Variants in SPOCK3 observed in about 807,000 individuals in gnomAD.
SPOCK3 encodes the protein SPARC (osteonectin), cwcv and kazal like domains proteoglycan 3.
SPOCK3 carries 30 observed loss-of-function variants against 56.6 expected under a neutral mutation model. The ratio of observed to expected loss-of-function variants is 0.53; its 90% CI spans 0.40 to 0.72. The LOEUF (loss-of-function observed/expected upper bound fraction) is 0.72. Among genes scored for constraint, SPOCK3 ranks in the 30% least tolerant of loss-of-function variants. SPOCK3 has a pLI of 0.00. For missense variants in SPOCK3, 527 were observed against 530.0 expected, an observed-to-expected ratio of 0.99 and a Z score of 0.06; for synonymous variants, 196 against 183.3, an observed-to-expected ratio of 1.07 and a Z score of -0.56.
chr4:167,079,822 G>T (rs1757552271), intron 2 of SPOCK3, among the ~76,000 whole-genome samples: 1 of 151,998 alleles, frequency 6.6e-6, no homozygotes, highest in Non-Finnish European at 1.5e-5. Context: ...TCATACATTA[G>T]CATAGTTGTT....
intron 3 of SPOCK3, among the ~76,000 whole-genome samples, chr4:167,055,145 G>A (rs1255201606): frequency 6.6e-6 from 1 of 151,874 alleles, no homozygotes; most frequent in East Asian, 1.9e-4. Context: ...TAGAAAACAT[G>A]CAAACCTCTT....
At chr4:166,993,346 G>C (rs1027790332) in intron 4 of SPOCK3, among the ~76,000 whole-genome samples, 1 of 152,100 alleles carries the variant, frequency 6.6e-6, no homozygotes, top group Admixed American at 6.6e-5. Flanking sequence ...GTGTATTTTG[G>C]AACTTCTGGT....
intron 2 of SPOCK3, among the ~76,000 whole-genome samples, chr4:167,179,485 C>G (rs932615360): frequency 3.3e-5 from 5 of 152,186 alleles, no homozygotes; most frequent in African/African-American, 1.2e-4. Context: ...CTTTGAGTTG[C>G]TAACATAATT....
At chr4:166,764,662 GC>G in intron 7 of SPOCK3, among the ~76,000 whole-genome samples, 1 of 152,216 alleles carries the variant, frequency 6.6e-6, no homozygotes, top group Admixed American at 6.5e-5. Context: ...ATGTGCATGT[GC>G]CTTTATAGCA....
intron 3 of SPOCK3, among the ~76,000 whole-genome samples, chr4:167,012,040 A>G (rs1053068415): frequency 6.6e-6 from 1 of 152,084 alleles, no homozygotes; most frequent in South Asian, 2.1e-4. Flanking sequence ...GACATTTTTC[A>G]AGGTTGGGAT....
rs28585469 is a variant in SPOCK3, at chr4:167,095,883, C to T, written c.190-33346G>A. Among the ~76,000 whole-genome samples, 1,257 of 151,520 alleles carry T rather than the reference C, an allele frequency of 8.3e-3. 16 individuals carry two copies. The highest frequency in any genetic ancestry group is 0.029 in the African/African-American group (1,199 of 41,370). On this transcript the variant is annotated intron_variant, in intron 2 of 10. Coordinates refer to ENST00000357545, the MANE Select transcript of SPOCK3 (RefSeq NM_001040159.2). ...TAGTAAATGCAATGAAATAAAAATT[C>T]CTGGTACTAATAAGCAAGAATGCAA...
Position 167,014,405 on chromosome 4 carries a change from G to C in SPOCK3, c.236-13942C>G, listed in dbSNP as rs192404801. On this transcript the variant is annotated intron_variant, in intron 3 of 10. Transcript: ENST00000357545. ...TCATGCTTGCAATCCCAGTATTTTGGGAGGAAGAGGCAGGAGGATTGCTTG... is the reference window on the plus strand; with the variant it reads ...TCATGCTTGCAATCCCAGTATTTTGCGAGGAAGAGGCAGGAGGATTGCTTG... 1.7e-3 allele frequency among the ~76,000 whole-genome samples: 259 copies of C among 151,976 alleles called. 1 individual carries two copies. The highest frequency in any genetic ancestry group is 5.9e-3 in the African/African-American group (244 of 41,456).
chr4:166,984,275 T>C (rs1393303860), intron 4 of SPOCK3, among the ~76,000 whole-genome samples: 2 of 152,086 alleles, frequency 1.3e-5, no homozygotes, highest in African/African-American at 4.8e-5. Context: ...CAAGGTTGTA[T>C]GGCTTTCCAG....
intron 2 of SPOCK3, among the ~76,000 whole-genome samples, chr4:167,163,384 C>T (rs898101853): frequency 2.0e-5 from 3 of 151,754 alleles, no homozygotes; most frequent in African/African-American, 7.3e-5. Context: ...ATGTAATAAT[C>T]ACATCTGGGG....
chr4:166,843,307 G>A (rs1185681296), intron 6 of SPOCK3, among the ~76,000 whole-genome samples: 1 of 152,242 alleles, frequency 6.6e-6, no homozygotes, highest in Non-Finnish European at 1.5e-5. Context: ...GAGGCGCTGA[G>A]AGCGAGCGAC....
At position 166,786,315 on chromosome 4, in the gene SPOCK3, T is replaced by G. The variant is rs1740723352; in HGVS notation, c.709+5855A>C. On this transcript the variant is annotated intron_variant, in intron 7 of 10. Coordinates refer to ENST00000357545, the MANE Select transcript of SPOCK3 (RefSeq NM_001040159.2). ...ACACTTTCTGGAAGTCACAGAGAAG[T>G]CAGCAGGCAATGGTTAGTCCCTAAG... 2.0e-5 allele frequency among the ~76,000 whole-genome samples: 3 copies of G among 152,248 alleles called. No individual in the cohort carries two copies. The South Asian group carries it at 6.2e-4, about 32-fold the overall frequency.
chr4:166,891,474 TA>T (rs1157538539), intron 5 of SPOCK3, among the ~76,000 whole-genome samples: 1 of 151,954 alleles, frequency 6.6e-6, no homozygotes, highest in Non-Finnish European at 1.5e-5. Flanking sequence ...AACAAATGAT[TA>T]AAAATTATTA....
intron 3 of SPOCK3, among the ~76,000 whole-genome samples, chr4:167,016,166 T>C (rs1750600512): frequency 6.6e-6 from 1 of 152,046 alleles, no homozygotes; most frequent in African/African-American, 2.4e-5. Context: ...ATATGAAAAA[T>C]AATGCAAGCA....
At chr4:166,894,816 A>G (rs965599056) in intron 5 of SPOCK3, among the ~76,000 whole-genome samples, 1 of 152,190 alleles carries the variant, frequency 6.6e-6, no homozygotes, top group African/African-American at 2.4e-5. Context: ...CTAATTTTCC[A>G]AACAGGAATT....
intron 3 of SPOCK3, among the ~76,000 whole-genome samples, chr4:167,026,221 C>T (rs1246506199): frequency 6.6e-6 from 1 of 152,022 alleles, no homozygotes; most frequent in Non-Finnish European, 1.5e-5. Flanking sequence ...TAACTGGCCA[C>T]ATACTGTAGA....
intron 2 of SPOCK3, among the ~76,000 whole-genome samples, chr4:167,233,658 GA>G (rs1263790567): frequency 1.3e-5 from 2 of 152,130 alleles, no homozygotes; most frequent in Admixed American, 1.3e-4. Context: ...ACCAGTGCCA[GA>G]AACACCATTC....
intron 3 of SPOCK3, among the ~76,000 whole-genome samples, chr4:167,014,769 A>G (rs1750444978): frequency 6.6e-6 from 1 of 151,944 alleles, no homozygotes; most frequent in South Asian, 2.1e-4. Context: ...ACACACTCAC[A>G]CACACACACA....
chr4:166,746,942 T>C (rs1012018506), intron 8 of SPOCK3, among the ~76,000 whole-genome samples: 2 of 152,064 alleles, frequency 1.3e-5, no homozygotes, highest in African/African-American at 4.8e-5. Context: ...AGGAAGAAGT[T>C]GAATCCCTGA....
intron 2 of SPOCK3, among the ~76,000 whole-genome samples, chr4:167,165,935 TA>T (rs1328419955): frequency 1.3e-5 from 2 of 151,732 alleles, no homozygotes; most frequent in Non-Finnish European, 2.9e-5. Flanking sequence ...TCTTTATTCT[TA>T]AAAAAAAGAA....
Sources: allele counts gnomAD v4.1 joint callset (sites outside exome capture counted in the v4.1 genomes callset), GRCh38; gene constraint gnomAD v4.1.1; transcripts MANE v1.5; gene names NCBI Gene and HGNC (gene_info 2026-07-23, HGNC 2026-07-21).